The following MYRIP variants were observed in gnomAD, a reference collection of about 807,000 sequenced individuals.
MYRIP encodes myosin VIIA and Rab interacting protein, also known as rab effector MyRIP.
A neutral mutation model predicts 98.0 loss-of-function variants in MYRIP; 49 were observed. The ratio of observed to expected loss-of-function variants is 0.50; its 90% confidence interval spans 0.40 to 0.63. The LOEUF (loss-of-function observed/expected upper bound fraction) is 0.63, where lower values mean the gene tolerates loss of function less well. Among genes scored for constraint, MYRIP ranks in the 30% least tolerant of loss-of-function variants. The pLI is 0.00. For synonymous variants in MYRIP, 404 were observed against 409.5 expected, an observed-to-expected ratio of 0.99 and a Z score of 0.16; for missense variants, 1,004 against 1,058.2, an observed-to-expected ratio of 0.95 and a Z score of 0.71.
intron 1 of MYRIP, among the ~76,000 whole-genome samples, chr3:39,865,395 C>A (rs1343344161): frequency 6.6e-6 from 1 of 152,020 alleles, no homozygotes; most frequent in Admixed American, 6.6e-5. Context: ...AGACAACCCA[C>A]AGAATGGAAA....
chr3:39,870,587 T>G (rs1221572857), intron 1 of MYRIP, among the ~76,000 whole-genome samples: 1 of 152,212 alleles, frequency 6.6e-6, no homozygotes, highest in Admixed American at 6.5e-5. Flanking sequence ...AAGGGCATTT[T>G]CACTTAGCAT....
At chr3:39,862,111 A>G (rs1942490253) in intron 1 of MYRIP, among the ~76,000 whole-genome samples, 1 of 152,236 alleles carries the variant, frequency 6.6e-6, no homozygotes, top group African/African-American at 2.4e-5. Context: ...GGTCACCTAC[A>G]AAGGGAACCC....
At chr3:40,240,944 G>A (rs1172438219) in intron 12 of MYRIP, among the ~76,000 whole-genome samples, 2 of 152,174 alleles carry the variant, frequency 1.3e-5, no homozygotes, top group Non-Finnish European at 2.9e-5. Flanking sequence ...ACCAGCCCTA[G>A]ACAGTGGTAT....
At chr3:40,037,813 C>T (rs1351963286) in intron 2 of MYRIP, among the ~76,000 whole-genome samples, 2 of 152,094 alleles carry the variant, frequency 1.3e-5, no homozygotes, top group African/African-American at 4.8e-5. Flanking sequence ...ACCCCCCTTC[C>T]TGTTTTCTCT....
At chr3:40,031,959 T>A (rs1315957150) in intron 2 of MYRIP, among the ~76,000 whole-genome samples, 2 of 152,188 alleles carry the variant, frequency 1.3e-5, no homozygotes, top group Non-Finnish European at 2.9e-5. Flanking sequence ...TCATTAATTT[T>A]TTGAAGGGTT....
At chr3:39,948,917 T>C (rs765194001) in intron 2 of MYRIP, among the ~76,000 whole-genome samples, 1 of 151,968 alleles carries the variant, frequency 6.6e-6, no homozygotes, top group East Asian at 1.9e-4. Flanking sequence ...AGAAAAAAGA[T>C]TTGCTTCTAA....
intron 11 of MYRIP, among the ~76,000 whole-genome samples, chr3:40,227,431 T>C (rs569939355): frequency 1.3e-5 from 2 of 152,262 alleles, no homozygotes; most frequent in African/African-American, 4.8e-5. Flanking sequence ...TGTGTGCCAG[T>C]GTAGGTTGCT....
chr3:39,992,315 C>T (rs1272249920), intron 2 of MYRIP, among the ~76,000 whole-genome samples: 1 of 152,186 alleles, frequency 6.6e-6, no homozygotes, highest in Non-Finnish European at 1.5e-5. Context: ...CTTCCACCAC[C>T]TTGAGCCCCC....
At chr3:40,000,629 G>A (rs923948440) in intron 2 of MYRIP, among the ~76,000 whole-genome samples, 8 of 152,132 alleles carry the variant, frequency 5.3e-5, no homozygotes, top group Admixed American at 5.2e-4. Context: ...TGAGGGACTT[G>A]ATGATTTGTG....
At chr3:39,991,643 T>G (rs1303337198) in intron 2 of MYRIP, among the ~76,000 whole-genome samples, 1 of 152,196 alleles carries the variant, frequency 6.6e-6, no homozygotes, top group African/African-American at 2.4e-5. Context: ...GTGTTCCCTC[T>G]TCCTGCTATA....
chr3:39,866,230 G>T (rs535518562), intron 1 of MYRIP, among the ~76,000 whole-genome samples: 1 of 152,060 alleles, frequency 6.6e-6, no homozygotes, highest in Non-Finnish European at 1.5e-5. Flanking sequence ...TAGCTATCAA[G>T]TACTGTGCTG....
At chr3:39,821,146 G>A (rs971289083) in intron 1 of MYRIP, among the ~76,000 whole-genome samples, 1 of 152,138 alleles carries the variant, frequency 6.6e-6, no homozygotes, top group African/African-American at 2.4e-5. Context: ...GGGATCATGG[G>A]ATGCATGGGA....
At chr3:39,867,450 A>G (rs1575321569) in intron 1 of MYRIP, among the ~76,000 whole-genome samples, 1 of 150,752 alleles carries the variant, frequency 6.6e-6, no homozygotes, top group East Asian at 1.9e-4. Context: ...CCAAAAATAT[A>G]AGGAACTTAT....
At chr3:39,955,913 G>C (rs1945146523) in intron 2 of MYRIP, among the ~76,000 whole-genome samples, 1 of 152,102 alleles carries the variant, frequency 6.6e-6, no homozygotes, top group African/African-American at 2.4e-5. Context: ...AATCAACAAA[G>C]ATCAAAAGAG....
chr3:39,953,717 G>A (rs1386335681), intron 2 of MYRIP, among the ~76,000 whole-genome samples: 1 of 152,162 alleles, frequency 6.6e-6, no homozygotes, highest in African/African-American at 2.4e-5. Context: ...CCAAAGCAGG[G>A]TGGGGCATCG....
chr3:40,096,579 C>G (rs1948839198), intron 3 of MYRIP, among the ~76,000 whole-genome samples: 1 of 152,210 alleles, frequency 6.6e-6, no homozygotes, highest in Non-Finnish European at 1.5e-5. Context: ...TGTTTCAGCT[C>G]TGGATACAGG....
intron 3 of MYRIP, among the ~76,000 whole-genome samples, chr3:40,135,905 A>G (rs984928365): frequency 1.3e-5 from 2 of 152,372 alleles, no homozygotes; most frequent in East Asian, 1.9e-4. Flanking sequence ...GAAAGGAACA[A>G]CCGATACCAA....
At chr3:39,856,506 C>T (rs1266733102) in intron 1 of MYRIP, among the ~76,000 whole-genome samples, 1 of 152,188 alleles carries the variant, frequency 6.6e-6, no homozygotes, top group Non-Finnish European at 1.5e-5. Context: ...TGGAAAAGCA[C>T]AACCTGGGGT....
In MYRIP at chr3:39,881,574, C is replaced by T. The variant is rs561073613; in HGVS notation, c.-30-19213C>T. Among the ~76,000 whole-genome samples, 125 of 152,232 alleles carry T rather than the reference C, an allele frequency of 8.2e-4. 1 individual carries two copies. The highest frequency in any genetic ancestry group is 2.9e-3 in the African/African-American group (122 of 41,550). ...TCAGAGGCCTCAATGTTCTTGATGT[C>T]GATTTTTAATGAATCTTCCTATTTT... On this transcript the variant is annotated intron_variant, in intron 1 of 16. Transcript: ENST00000302541.
Sources: gnomAD v4.1 joint callset for allele counts (sites outside exome capture counted in the v4.1 genomes callset) on GRCh38, gnomAD v4.1.1 for gene constraint, MANE v1.5 for transcripts, NCBI Gene and HGNC (gene_info 2026-07-23, HGNC 2026-07-21) for gene names.